The following TENM2 variants were observed in gnomAD, a reference collection of about 807,000 sequenced individuals.
The protein encoded by TENM2 is teneurin-2.
In TENM2, 52 loss-of-function variants were observed where a neutral mutation model predicts 245.2. The ratio of observed to expected loss-of-function variants is 0.21; its 90% CI spans 0.17 to 0.27. The LOEUF is 0.27. Among genes scored for constraint, TENM2 ranks in the 10% least tolerant of loss-of-function variants. The pLI, the probability that TENM2 is intolerant of heterozygous loss-of-function variation, is 1.00. For synonymous variants in TENM2, 1,363 were observed against 1,438.9 expected, an observed-to-expected ratio of 0.95 and a Z score of 1.19; for missense variants, 3,046 against 3,666.8, an observed-to-expected ratio of 0.83 and a Z score of 4.37.
rs939797495 is a variant in TENM2, at chr5:167,907,724, G to A, written c.712+31529G>A. ...TCAAGAACTGCCTGGGAAACATAGT[G>A]AGACTCCATTTCTACAATAAATAAA... is the stretch of plus-strand genomic sequence containing the variant. On this transcript the variant is annotated intron_variant, in intron 3 of 28. Transcript: ENST00000518659. Among the ~76,000 whole-genome samples the A allele has an allele frequency of 3.3e-5, 5 of 150,378 alleles. No individual in the cohort carries two copies. In the South Asian group the frequency reaches 1.1e-3, roughly 32 times the overall value.
chr5:167,515,629 A>G (rs80009346), intron 2 of TENM2, among the ~76,000 whole-genome samples: 5,319 of 124,760 alleles, frequency 0.043, 376 homozygotes, highest in East Asian at 0.21. Context: ...ACATATATAT[A>G]CATATATATG....
intron 2 of TENM2, among the ~76,000 whole-genome samples, chr5:167,578,674 A>G (rs1292667299): frequency 2.0e-5 from 3 of 152,132 alleles, no homozygotes; most frequent in African/African-American, 2.4e-5. Context: ...AAGGGTTTTC[A>G]TCTCTCTAAA....
At chr5:167,010,619 G>T in the TENM2 span, among the ~76,000 whole-genome samples, 1 of 152,172 alleles carries the variant, frequency 6.6e-6, no homozygotes, top group African/African-American at 2.4e-5. Context: ...GCCACGTTAT[G>T]ATGATTTAGA....
the TENM2 span, among the ~76,000 whole-genome samples, chr5:167,044,571 T>C: frequency 6.6e-6 from 1 of 152,012 alleles, no homozygotes; most frequent in Non-Finnish European, 1.5e-5. Flanking sequence ...CCATCTGAGA[T>C]CACATAGAGA....
At chr5:167,561,584 G>GT (rs1773591379) in intron 2 of TENM2, among the ~76,000 whole-genome samples, 1 of 152,170 alleles carries the variant, frequency 6.6e-6, no homozygotes, top group African/African-American at 2.4e-5. Context: ...CGTCTATGTT[G>GT]TTTTTCCCTT....
chr5:167,205,469 G>T, the TENM2 span, among the ~76,000 whole-genome samples: 1 of 152,116 alleles, frequency 6.6e-6, no homozygotes, highest in Admixed American at 6.5e-5. Flanking sequence ...CTATGTCCAC[G>T]TGAAAGACAA....
chr5:167,070,275 G>C, the TENM2 span, among the ~76,000 whole-genome samples: 1 of 117,624 alleles, frequency 8.5e-6, no homozygotes, highest in Non-Finnish European at 1.7e-5. Flanking sequence ...CTGCCACCAC[G>C]CCCGGCTAAT....
At chr5:167,010,455 A>G in the TENM2 span, among the ~76,000 whole-genome samples, 1 of 152,202 alleles carries the variant, frequency 6.6e-6, no homozygotes, top group Admixed American at 6.5e-5. Flanking sequence ...GATACTGTCC[A>G]TTTGGCATTT....
chr5:167,788,042 G>A (rs926638100), intron 2 of TENM2, among the ~76,000 whole-genome samples: 3 of 152,196 alleles, frequency 2.0e-5, no homozygotes, highest in Non-Finnish European at 4.4e-5. Context: ...AATTAGTGGT[G>A]GATGGGTGGC....
chr5:168,027,359 T>G (rs1441212232), intron 5 of TENM2, among the ~76,000 whole-genome samples: 88 of 152,200 alleles, frequency 5.8e-4, no homozygotes, highest in Non-Finnish European at 2.5e-4. Flanking sequence ...CAGAAGCCCC[T>G]AGAATGGCTT....
rs192689414 is a variant in TENM2 at position 167,491,594 on chromosome 5, C to A, written c.502+116121C>A. Reference sequence around the variant, plus strand: ...TTTGAGGCTTTCACCAAAAGGTTGTCCGCTGTTACCCAATGAACTATTGCT... The same window carrying A: ...TTTGAGGCTTTCACCAAAAGGTTGTACGCTGTTACCCAATGAACTATTGCT... On this transcript the variant is annotated intron_variant, in intron 2 of 28. Coordinates refer to ENST00000518659, the Ensembl canonical transcript of TENM2. Among the ~76,000 whole-genome samples, 3 of 152,270 alleles carry A rather than the reference C, an allele frequency of 2.0e-5. No homozygotes were observed. In the East Asian group the frequency reaches 5.8e-4, roughly 29 times the overall value.
chr5:167,455,422 C>T (rs1302074219), intron 2 of TENM2, among the ~76,000 whole-genome samples: 3 of 146,980 alleles, frequency 2.0e-5, no homozygotes, highest in South Asian at 2.2e-4. Flanking sequence ...AGTCATTGGC[C>T]TGGATTATCC....
At chr5:167,149,267 A>T in the TENM2 span, among the ~76,000 whole-genome samples, 2 of 150,884 alleles carry the variant, frequency 1.3e-5, no homozygotes, top group Admixed American at 6.6e-5. Context: ...TGTCCTGTTC[A>T]CTTATGTATC....
chr5:167,314,430 G>T (rs1402800042), intron 1 of TENM2, among the ~76,000 whole-genome samples: 1 of 152,078 alleles, frequency 6.6e-6, no homozygotes, highest in African/African-American at 2.4e-5. Context: ...AAATTAAAAG[G>T]CTGTTAAAAT....
At chr5:167,418,944 A>C (rs1484774196) in intron 2 of TENM2, among the ~76,000 whole-genome samples, 2 of 152,172 alleles carry the variant, frequency 1.3e-5, no homozygotes, top group East Asian at 1.9e-4. Flanking sequence ...TGATTGCTTC[A>C]AGATAGTTTA....
At chr5:167,714,422 G>A (rs988334627) in intron 2 of TENM2, among the ~76,000 whole-genome samples, 1 of 152,154 alleles carries the variant, frequency 6.6e-6, no homozygotes, top group Non-Finnish European at 1.5e-5. Flanking sequence ...TGTTGGGTCT[G>A]ATGTCTGCTA....
chr5:168,123,283 A>G (rs1284536958), intron 10 of TENM2, among the ~76,000 whole-genome samples: 1 of 152,178 alleles, frequency 6.6e-6, no homozygotes, highest in Non-Finnish European at 1.5e-5. Context: ...TGGGTGACAG[A>G]GCAAGACCCT....
the TENM2 span, among the ~76,000 whole-genome samples, chr5:167,241,819 A>G: frequency 6.6e-6 from 1 of 152,154 alleles, no homozygotes; most frequent in Non-Finnish European, 1.5e-5. Context: ...ATATGTACAC[A>G]ACTCTTTGAA....
At chr5:168,195,252 A>G in exon 15 of TENM2, 1 of 1,605,922 alleles carries the variant, frequency 6.2e-7, no homozygotes, top group South Asian at 1.1e-5. Context: ...GTCTTTTGTC[A>G]AGTACCCAAA....
Sources: allele counts gnomAD v4.1 joint callset (sites outside exome capture counted in the v4.1 genomes callset), GRCh38; gene constraint gnomAD v4.1.1; transcripts MANE v1.5; gene names NCBI Gene and HGNC (gene_info 2026-07-23, HGNC 2026-07-21).